Variants in CMIP observed in about 807,000 individuals in gnomAD.
CMIP encodes the protein c-Maf inducing protein.
Under a neutral mutation model 97.3 loss-of-function variants are expected in CMIP, and 13 were observed. The ratio of observed to expected loss-of-function variants is 0.13; its 90% CI spans 0.09 to 0.21. The LOEUF is 0.21. Among genes scored for constraint, CMIP ranks in the 10% least tolerant of loss-of-function variants. CMIP has a pLI of 1.00. For synonymous variants in CMIP, 538 were observed against 436.3 expected (o/e 1.23, Z -2.91); for missense variants, 847 against 1,024.9 (o/e 0.83, Z 2.37).
intron 1 of CMIP, among the ~76,000 whole-genome samples, chr16:81,560,928 C>G (rs1188441039): frequency 6.6e-6 from 1 of 152,164 alleles, no homozygotes; most frequent in Non-Finnish European, 1.5e-5. Flanking sequence ...AATGCAATTT[C>G]TCAGAACCTA....
chr16:81,516,621 C>T (rs543280753), intron 1 of CMIP, among the ~76,000 whole-genome samples: 16 of 152,328 alleles, frequency 1.1e-4, no homozygotes, highest in African/African-American at 3.8e-4. Context: ...CGTCAGTGCG[C>T]GGGCACTTGT....
At chr16:81,674,676 C>G (rs562179398) in intron 9 of CMIP, among the ~76,000 whole-genome samples, 39 of 152,128 alleles carry the variant, frequency 2.6e-4, no homozygotes, top group Non-Finnish European at 5.0e-4. Flanking sequence ...GCCTCCACCT[C>G]CTGGGTTCAA....
chr16:81,652,348 C>A lies in CMIP; in HGVS notation c.623C>A (p.Ser208Ter). 1 of 1,613,486 alleles carries A rather than the reference C, an allele frequency of 6.2e-7. No individual in the cohort carries two copies. Among genetic ancestry groups the A allele is most frequent in the Non-Finnish European group, 8.5e-7 (1 of 1,179,746 alleles). Residue 208 changes from serine to a stop codon, truncating the protein, a stop_gained, in exon 4 of 21, where the codon TCG (serine) becomes TAG (stop). Coordinates refer to ENST00000537098, the MANE Select transcript of CMIP (RefSeq NM_198390.3). LOFTEE classifies it high-confidence loss of function. The surrounding 1 kb of genome is among the most constrained non-coding windows in gnomAD (Gnocchi z 5.2). ...AACCAGGCCCCACTGGAAATCGTCTCGAAACTGCTCTCAGAGGTAAAACCC... is the reference window on the plus strand; with the variant it reads ...AACCAGGCCCCACTGGAAATCGTCTAGAAACTGCTCTCAGAGGTAAAACCC... ...SINQAPLEIV[S>*]KLLSENTNLT...
intron 1 of CMIP, among the ~76,000 whole-genome samples, chr16:81,457,489 G>A (rs970723571): frequency 1.8e-4 from 27 of 152,194 alleles, no homozygotes; most frequent in African/African-American, 4.6e-4. Context: ...TAGGTACACA[G>A]GGAGCAGGAG....
chr16:81,578,243 C>T (rs1209881172), intron 1 of CMIP, among the ~76,000 whole-genome samples: 4 of 152,234 alleles, frequency 2.6e-5, no homozygotes, highest in Non-Finnish European at 5.9e-5. Flanking sequence ...TCATCACCAC[C>T]ATCATCTTCG....
Position 81,463,614 on chromosome 16 carries a change from C to T in CMIP, c.300+18073C>T, listed in dbSNP as rs569785564. ...TGGGTACCGATTGCCAGGGCTGGAC[C>T]GGGTGAAATAATGGAACCTGCCATT... On this transcript the variant is annotated intron_variant, in intron 1 of 20. Transcript: ENST00000537098. Among the ~76,000 whole-genome samples the T allele has an allele frequency of 1.6e-4, 24 of 152,284 alleles. No homozygotes were observed. The South Asian group carries it at 2.1e-3, about 13-fold the overall frequency.
intron 7 of CMIP, chr16:81,667,341 G>A (rs1294106409): frequency 6.6e-6 from 1 of 152,226 alleles, no homozygotes; most frequent in African/African-American, 2.4e-5. Context: ...ACTGCGTTCT[G>A]AAGAATGACC....
At chr16:81,476,010 C>T (rs904105270) in intron 1 of CMIP, 3 of 562,040 alleles carry the variant, frequency 5.3e-6, no homozygotes, top group South Asian at 1.7e-5. Flanking sequence ...AAAGATAAAA[C>T]ATAAGTCAAA....
chr16:81,676,689 T>C (rs1167678822), intron 9 of CMIP, among the ~76,000 whole-genome samples: 2 of 152,240 alleles, frequency 1.3e-5, no homozygotes, highest in Non-Finnish European at 2.9e-5. Context: ...TTAAACACCC[T>C]TGGTGGGCTC....
chr16:81,517,304 A>C (rs772352857), intron 1 of CMIP, among the ~76,000 whole-genome samples: 8 of 152,310 alleles, frequency 5.3e-5, no homozygotes, highest in Middle Eastern at 6.8e-3. Flanking sequence ...TTCCAAGGTC[A>C]TCAGTGAAAG....
At position 81,640,136 on chromosome 16, in the gene CMIP, C is replaced by G. The variant is rs182422577; in HGVS notation, c.478-12067C>G. 3.3e-5 allele frequency among the ~76,000 whole-genome samples: 5 copies of G among 152,280 alleles called. No homozygotes were observed. The East Asian group carries it at 7.7e-4, about 23-fold the overall frequency. On this transcript the variant is annotated intron_variant, in intron 3 of 20. Transcript: ENST00000537098. ...GGGTCCCCAGGTGGCTCCCTCTGAC[C>G]TCACTGATGATGCAGGTGCCCAGGT...
In CMIP at chr16:81,616,089, C is replaced by T. The variant is rs564286376; in HGVS notation, c.427-4787C>T. Among the ~76,000 whole-genome samples, 2 of 151,398 alleles carry T rather than the reference C, an allele frequency of 1.3e-5. No homozygotes were observed. The highest frequency in any genetic ancestry group is 2.4e-5 in the African/African-American group (1 of 41,138). ...AAGGAGGCGCAGGAGAGTTCCGCAT[C>T]GAGACTGTCCTCAGCCCGGCATCTC... On this transcript the variant is annotated intron_variant, in intron 2 of 20. Coordinates refer to ENST00000537098, the MANE Select transcript of CMIP (RefSeq NM_198390.3). The surrounding 1 kb of genome is among the most constrained non-coding windows in gnomAD (Gnocchi z 4.7).
At chr16:81,599,826 C>G (rs974609281) in intron 1 of CMIP, among the ~76,000 whole-genome samples, 1 of 152,126 alleles carries the variant, frequency 6.6e-6, no homozygotes, top group African/African-American at 2.4e-5. Context: ...GCATTGTTGT[C>G]AAGTTAAATG....
chr16:81,563,602 G>A (rs941463080), intron 1 of CMIP, among the ~76,000 whole-genome samples: 27 of 152,196 alleles, frequency 1.8e-4, no homozygotes, highest in Admixed American at 1.7e-3. Flanking sequence ...CACTGGTGTG[G>A]ACTGAGCAAG....
At chr16:81,591,885 C>T (rs537669189) in intron 1 of CMIP, among the ~76,000 whole-genome samples, 13 of 151,066 alleles carry the variant, frequency 8.6e-5, no homozygotes, top group African/African-American at 2.4e-4. Flanking sequence ...AGTGTAGTGA[C>T]GTGATCTTGG....
intron 1 of CMIP, among the ~76,000 whole-genome samples, chr16:81,594,106 C>G (rs1395625410): frequency 7.9e-6 from 1 of 126,678 alleles, no homozygotes; most frequent in East Asian, 2.5e-4. Context: ...CCTCCCCCTC[C>G]TCCCCATTCT....
chr16:81,618,828 T>A (rs2091956048), intron 2 of CMIP: 1 of 152,286 alleles, frequency 6.6e-6, no homozygotes, highest in Admixed American at 6.5e-5. Context: ...TGTTTGCACG[T>A]GCCAGGCACC....
chr16:81,472,209 C>T (rs1907603444), intron 1 of CMIP, among the ~76,000 whole-genome samples: 1 of 152,204 alleles, frequency 6.6e-6, no homozygotes, highest in African/African-American at 2.4e-5. Context: ...TAACTTTGGG[C>T]AAGTTGTGTG....
intron 3 of CMIP, chr16:81,622,184 C>A (rs2092001099): frequency 6.6e-6 from 1 of 152,186 alleles, no homozygotes; most frequent in South Asian, 2.1e-4. Context: ...AGACTGGAGT[C>A]CAAGCTCCCA....
Sources: allele counts gnomAD v4.1 joint callset (sites outside exome capture counted in the v4.1 genomes callset), GRCh38; gene constraint gnomAD v4.1.1; non-coding constraint Gnocchi (gnomAD v3.1); transcripts MANE v1.5; gene names NCBI Gene and HGNC (gene_info 2026-07-23, HGNC 2026-07-21).